The following PSD3 variants were observed in gnomAD, a reference collection of about 807,000 sequenced individuals.
PSD3 encodes the protein PH and SEC7 domain-containing protein 3.
A neutral mutation model predicts 105.5 loss-of-function variants in PSD3; 49 were observed. That is an observed-to-expected ratio of 0.46 (90% CI 0.37 to 0.59). PSD3 has a LOEUF of 0.59. Among genes scored for constraint, PSD3 ranks in the 20% least tolerant of loss-of-function variants. The pLI is 0.00. For missense variants in PSD3, 1,561 were observed against 1,263.8 expected (o/e 1.24, Z -3.57); for synonymous variants, 557 against 457.8 (o/e 1.22, Z -2.77).
chr8:18,775,786 C>A (rs1808003982), intron 8 of PSD3, among the ~76,000 whole-genome samples: 1 of 152,138 alleles, frequency 6.6e-6, no homozygotes. Context: ...CTTGTATCTT[C>A]ACTTTGTTGA....
chr8:19,015,389 G>A (rs1827148103), upstream of PSD3, among the ~76,000 whole-genome samples: 1 of 152,146 alleles, frequency 6.6e-6, no homozygotes, highest in African/African-American at 2.4e-5. Flanking sequence ...GAAAATGGAC[G>A]AATACAGGCA....
rs367679683 is a variant in PSD3, at chr8:18,616,866, GC to G, written c.2410+15746del. ...TCTCGATCTCGTGACCTCGTGATCC[GC>G]CCGCCTCGGCCTCCCAAAGTGCTGG... On this transcript the variant is annotated intron_variant, in intron 11 of 15. Transcript: ENST00000327040. Among the ~76,000 whole-genome samples the G allele has an allele frequency of 9.4e-4, 142 of 151,462 alleles. 2 individuals are homozygous for G. In the East Asian group the frequency reaches 0.025, roughly 26 times the overall value.
At chr8:18,758,971 T>C (rs1806282705) in intron 9 of PSD3, among the ~76,000 whole-genome samples, 1 of 152,076 alleles carries the variant, frequency 6.6e-6, no homozygotes, top group African/African-American at 2.4e-5. Context: ...ACAGACTATG[T>C]AACAATTTAA....
rs187380940 is a variant in PSD3, at chr8:18,576,946, C to T, written c.2482-1661G>A. 4.0e-5 allele frequency among the ~76,000 whole-genome samples: 6 copies of T among 151,372 alleles called. No individual in the cohort carries two copies. The East Asian group carries it at 9.7e-4, about 24-fold the overall frequency. ...TTAAGCTTTTATCTTAATTCCTCTT[C>T]CCTATTTTCTTTGAATTAATATTTT... On this transcript the variant is annotated intron_variant, in intron 12 of 15. Coordinates refer to ENST00000327040, the MANE Select transcript of PSD3 (RefSeq NM_015310.4).
intron 9 of PSD3, among the ~76,000 whole-genome samples, chr8:18,691,162 G>C (rs11785885): frequency 0.91 from 138,984 of 152,284 alleles, 63,837 homozygotes; most frequent in Middle Eastern, 0.97. Context: ...TAAATAGAAC[G>C]TTCTTACATT....
At chr8:18,916,771 T>C (rs79422511) in intron 2 of PSD3, among the ~76,000 whole-genome samples, 13,176 of 152,018 alleles carry the variant, frequency 0.087, 790 homozygotes, top group Admixed American at 0.18. Flanking sequence ...GTAAAGAATA[T>C]GTTAATTAAT....
intron 4 of PSD3, among the ~76,000 whole-genome samples, chr8:18,833,608 C>CG (rs1309433874): frequency 3.3e-5 from 5 of 152,144 alleles, no homozygotes; most frequent in Admixed American, 2.0e-4. Flanking sequence ...CCACTAGTTT[C>CG]ATTCCTGTAT....
chr8:18,970,502 G>A (rs1229447374), intron 1 of PSD3, among the ~76,000 whole-genome samples: 1 of 151,994 alleles, frequency 6.6e-6, no homozygotes, highest in African/African-American at 2.4e-5. Flanking sequence ...TTTTCTACCA[G>A]ACAATCAGAC....
At chr8:18,997,553 C>A (rs1286592212) in intron 1 of PSD3, among the ~76,000 whole-genome samples, 1 of 151,922 alleles carries the variant, frequency 6.6e-6, no homozygotes, top group Non-Finnish European at 1.5e-5. Context: ...AGATCATGTC[C>A]CATCTTTATT....
chr8:18,671,350 G>T (rs1240598498), intron 9 of PSD3, among the ~76,000 whole-genome samples: 3 of 152,134 alleles, frequency 2.0e-5, no homozygotes, highest in African/African-American at 7.2e-5. Context: ...GCATAAGCAT[G>T]CCCTCCAATT....
Position 18,607,563 on chromosome 8 carries a change from G to A in PSD3, c.2411-7129C>T, listed in dbSNP as rs114777216. On this transcript the variant is annotated intron_variant, in intron 11 of 15. Transcript: ENST00000327040. ...GAGAAAGGCCAGCTAAACTAGATTCGGGAGGCAATGTCTTGGATAAATCTG... is the reference window on the plus strand; with the variant it reads ...GAGAAAGGCCAGCTAAACTAGATTCAGGAGGCAATGTCTTGGATAAATCTG... 5.4e-3 allele frequency among the ~76,000 whole-genome samples: 820 copies of A among 151,900 alleles called. 7 individuals are homozygous for A. The highest frequency in any genetic ancestry group is 0.019 in the African/African-American group (780 of 41,418).
intron 11 of PSD3, among the ~76,000 whole-genome samples, chr8:18,613,721 C>A (rs1280185495): frequency 6.6e-6 from 1 of 152,182 alleles, no homozygotes; most frequent in Admixed American, 6.5e-5. Context: ...CACTACAGTT[C>A]AGGGCTCTAA....
intron 9 of PSD3, among the ~76,000 whole-genome samples, chr8:18,743,298 G>A (rs1026604292): frequency 6.6e-6 from 1 of 152,152 alleles, no homozygotes; most frequent in Admixed American, 6.5e-5. Flanking sequence ...TCTTTTCATA[G>A]AGGAGCGGGG....
At position 18,578,734 on chromosome 8, in the gene PSD3, CA is replaced by C. The variant is rs67557349; in HGVS notation, c.2482-3450del. On this transcript the variant is annotated intron_variant, in intron 12 of 15. Coordinates refer to ENST00000327040, the MANE Select transcript of PSD3 (RefSeq NM_015310.4). Reference sequence around the variant, plus strand: ...CATTCTTATGCTACTCTTAAAAATGCAAAAAAAAAAAAATTTAATGCTACAT... The same window carrying C: ...CATTCTTATGCTACTCTTAAAAATGCAAAAAAAAAAAATTTAATGCTACAT... Among the ~76,000 whole-genome samples the C allele has an allele frequency of 2.9e-3, 424 of 145,474 alleles. 2 individuals carry two copies. Among genetic ancestry groups the C allele is most frequent in the African/African-American group, 6.5e-3 (256 of 39,618 alleles).
upstream of PSD3, among the ~76,000 whole-genome samples, chr8:19,016,494 A>T (rs1337107143): frequency 6.6e-6 from 1 of 152,222 alleles, no homozygotes; most frequent in African/African-American, 2.4e-5. Flanking sequence ...ATGAACGTTT[A>T]TTTAGAATGA....
chr8:18,759,322 T>C (rs1011832834), intron 9 of PSD3, among the ~76,000 whole-genome samples: 1 of 152,200 alleles, frequency 6.6e-6, no homozygotes, highest in Non-Finnish European at 1.5e-5. Flanking sequence ...CGTTTTTAAA[T>C]GATTTCCAGT....
At chr8:18,554,720 C>T (rs1800965620) in intron 15 of PSD3, among the ~76,000 whole-genome samples, 1 of 152,016 alleles carries the variant, frequency 6.6e-6, no homozygotes, top group Non-Finnish European at 1.5e-5. Flanking sequence ...TTACGGAATC[C>T]GCTACAGGTA....
chr8:18,632,343 T>C (rs950553344), intron 11 of PSD3, among the ~76,000 whole-genome samples: 3 of 152,056 alleles, frequency 2.0e-5, no homozygotes, highest in Non-Finnish European at 4.4e-5. Flanking sequence ...GTCAGTATTA[T>C]TTGTTGAAGC....
At chr8:18,578,203 G>T (rs144084738) in intron 12 of PSD3, among the ~76,000 whole-genome samples, 1 of 151,774 alleles carries the variant, frequency 6.6e-6, no homozygotes, top group Non-Finnish European at 1.5e-5. Flanking sequence ...TTTTTGCTAG[G>T]CTATGCCTTA....
Sources: gnomAD v4.1 joint callset for allele counts (sites outside exome capture counted in the v4.1 genomes callset) on GRCh38, gnomAD v4.1.1 for gene constraint, MANE v1.5 for transcripts, NCBI Gene and HGNC (gene_info 2026-07-23, HGNC 2026-07-21) for gene names.